Variants in ZMAT4 observed in about 807,000 individuals in gnomAD.
ZMAT4 encodes the protein zinc finger matrin-type protein 4.
In ZMAT4, 17 loss-of-function variants were observed where a neutral mutation model predicts 28.7. The ratio of observed to expected loss-of-function variants is 0.59; its 90% confidence interval spans 0.41 to 0.89. ZMAT4 has a LOEUF of 0.89. Ranked by LOEUF, ZMAT4 falls within the 40% of genes least tolerant of loss-of-function variation. The pLI is 0.00. For missense variants in ZMAT4, 240 were observed against 283.8 expected (o/e 0.85, Z 1.11); for synonymous variants, 117 against 109.2 (o/e 1.07, Z -0.44).
At chr8:40,876,078 G>A (rs1004474302) in intron 1 of ZMAT4, among the ~76,000 whole-genome samples, 5 of 152,126 alleles carry the variant, frequency 3.3e-5, no homozygotes, top group African/African-American at 1.2e-4. Flanking sequence ...AATGTGAATT[G>A]TGGAACTCAC....
At chr8:40,740,607 T>C (rs1302502589) in intron 3 of ZMAT4, among the ~76,000 whole-genome samples, 1 of 152,246 alleles carries the variant, frequency 6.6e-6, no homozygotes, top group Non-Finnish European at 1.5e-5. Context: ...CTGCTAGCAT[T>C]ACTGTTAGTT....
At chr8:40,829,985 G>C (rs1219349108) in intron 1 of ZMAT4, among the ~76,000 whole-genome samples, 1 of 152,088 alleles carries the variant, frequency 6.6e-6, no homozygotes, top group Non-Finnish European at 1.5e-5. Context: ...AACCTAGATG[G>C]AAGAAAAAGA....
At chr8:40,864,771 G>A (rs1457812862) in intron 1 of ZMAT4, among the ~76,000 whole-genome samples, 1 of 152,188 alleles carries the variant, frequency 6.6e-6, no homozygotes, top group East Asian at 1.9e-4. Flanking sequence ...TAGCATGTGA[G>A]GAGATGGCTG....
intron 1 of ZMAT4, among the ~76,000 whole-genome samples, chr8:40,826,891 G>A (rs1199299827): frequency 2.0e-5 from 3 of 152,038 alleles, no homozygotes; most frequent in Non-Finnish European, 2.9e-5. Context: ...CAGTGCATCC[G>A]ATTCCTTCAC....
intron 1 of ZMAT4, among the ~76,000 whole-genome samples, chr8:40,855,704 G>T (rs1384359899): frequency 2.0e-5 from 3 of 150,182 alleles, no homozygotes; most frequent in Admixed American, 6.6e-5. Flanking sequence ...TTGAGACAGG[G>T]TTGCTCTGTT....
intron 1 of ZMAT4, among the ~76,000 whole-genome samples, chr8:40,833,230 G>A (rs1166909465): frequency 4.6e-5 from 2 of 43,114 alleles, no homozygotes; most frequent in Non-Finnish European, 8.7e-5. Flanking sequence ...CAGCAAAGCA[G>A]ATTTAGAGGG....
chr8:40,653,286 A>G (rs1427757484), intron 5 of ZMAT4, among the ~76,000 whole-genome samples: 3 of 152,092 alleles, frequency 2.0e-5, no homozygotes, highest in Non-Finnish European at 2.9e-5. Context: ...CTATAAATAA[A>G]ACATTTAAAA....
intron 6 of ZMAT4, among the ~76,000 whole-genome samples, chr8:40,561,501 G>A (rs1803738009): frequency 6.6e-6 from 1 of 152,142 alleles, no homozygotes. Flanking sequence ...TGAAGGTGGA[G>A]AGAACTAACT....
In ZMAT4 at chr8:40,532,218, T is replaced by G. The variant is rs768913532; in HGVS notation, c.*5A>C. Reference sequence around the variant, plus strand: ...TTTGTTCTTATGTCTTGATTGATGCTTTCACTACTTATTCTTCAGGCTATA... The same window carrying G: ...TTTGTTCTTATGTCTTGATTGATGCGTTCACTACTTATTCTTCAGGCTATA... On this transcript the variant is annotated 3_prime_UTR_variant, in exon 7 of 7. Coordinates refer to ENST00000297737, the MANE Select transcript of ZMAT4 (RefSeq NM_024645.3). The G allele has an allele frequency of 6.3e-7, 1 of 1,599,218 alleles. No homozygotes were observed. Among genetic ancestry groups the G allele is most frequent in the South Asian group, 1.1e-5 (1 of 88,196 alleles).
At position 40,825,679 on chromosome 8, in the gene ZMAT4, G is replaced by A; in HGVS notation, c.-3C>T. ...TGATCAATATCGGAGGACTTCATCA[G>A]GCTACAAGAGAATCAACAGAAAAGA... On this transcript the variant is annotated splice_region_variant and 5_prime_UTR_variant, in exon 2 of 7. Transcript: ENST00000297737. 6.4e-7 allele frequency: 1 copy of A among 1,551,718 alleles called. No individual in the cohort carries two copies. Among genetic ancestry groups the A allele is most frequent in the Non-Finnish European group, 8.7e-7 (1 of 1,147,024 alleles).
At chr8:40,712,051 A>G (rs1309718398) in intron 3 of ZMAT4, among the ~76,000 whole-genome samples, 1 of 152,180 alleles carries the variant, frequency 6.6e-6, no homozygotes, top group African/African-American at 2.4e-5. Context: ...ACTTTTAAAT[A>G]TTGACGAAGA....
At chr8:40,590,001 C>CTTCCTTCCTTCT (rs1804834019) in intron 5 of ZMAT4, among the ~76,000 whole-genome samples, 2 of 123,322 alleles carry the variant, frequency 1.6e-5, no homozygotes, top group Non-Finnish European at 3.3e-5. Context: ...TCCTTCCTTC[C>CTTCCTTCCTTCT]TTCCTTCCTT....
chr8:40,816,212 G>A (rs1235611523), intron 2 of ZMAT4, among the ~76,000 whole-genome samples: 1 of 152,054 alleles, frequency 6.6e-6, no homozygotes, highest in Non-Finnish European at 1.5e-5. Flanking sequence ...CCACTTCCAG[G>A]GCTGTCCCCT....
intron 5 of ZMAT4, among the ~76,000 whole-genome samples, chr8:40,635,673 G>T (rs1379333577): frequency 6.6e-6 from 1 of 152,164 alleles, no homozygotes; most frequent in Admixed American, 6.5e-5. Context: ...AGAAGTCCGA[G>T]GTTTGAATTG....
chr8:40,864,519 A>G (rs954210076), intron 1 of ZMAT4, among the ~76,000 whole-genome samples: 4 of 152,196 alleles, frequency 2.6e-5, no homozygotes, highest in African/African-American at 9.7e-5. Context: ...GCAATGTGGT[A>G]GCAGGGACAA....
intron 3 of ZMAT4, among the ~76,000 whole-genome samples, chr8:40,727,299 A>G (rs902506634): frequency 1.3e-5 from 2 of 152,124 alleles, no homozygotes; most frequent in Non-Finnish European, 2.9e-5. Context: ...CAGAACAATC[A>G]TATTCCCTCG....
At position 40,626,280 on chromosome 8, in the gene ZMAT4, GCTAGTGAGGAGAAAACCAGC is replaced by G. The variant is rs555105528; in HGVS notation, c.578-45039_578-45020del. 2.8e-3 allele frequency among the ~76,000 whole-genome samples: 422 copies of G among 152,284 alleles called. 2 individuals are homozygous for G. Among genetic ancestry groups the G allele is most frequent in the Middle Eastern group, 0.02 (6 of 294 alleles). On this transcript the variant is annotated intron_variant, in intron 5 of 6. Transcript: ENST00000297737. ...GCTGCCAAGGTGCCCCGGAAGTGCAGCTAGTGAGGAGAAAACCAGCTAAGTGTGGCATCTCAGAAACCAAT... is the reference window on the plus strand; with the variant it reads ...GCTGCCAAGGTGCCCCGGAAGTGCAGTAAGTGTGGCATCTCAGAAACCAAT...
intron 1 of ZMAT4, among the ~76,000 whole-genome samples, chr8:40,890,040 C>T (rs188388109): frequency 1.1e-3 from 168 of 152,270 alleles, no homozygotes; most frequent in African/African-American, 1.8e-3. Flanking sequence ...AAATGGATAA[C>T]GATAACTTGT....
intron 1 of ZMAT4, among the ~76,000 whole-genome samples, chr8:40,847,974 G>T (rs967063473): frequency 6.6e-6 from 1 of 152,140 alleles, no homozygotes; most frequent in Non-Finnish European, 1.5e-5. Context: ...TAAGTTCCAG[G>T]CTGTTTCTCA....
Sources: allele counts gnomAD v4.1 joint callset (sites outside exome capture counted in the v4.1 genomes callset), GRCh38; gene constraint gnomAD v4.1.1; transcripts MANE v1.5; gene names NCBI Gene and HGNC (gene_info 2026-07-23, HGNC 2026-07-21).